LMF1: variants seen among roughly 807,000 people sequenced by gnomAD.
LMF1 encodes transmembrane protein 112.
A neutral mutation model predicts 60.6 loss-of-function variants in LMF1; 68 were observed. The observed-to-expected ratio is 1.12, with a 90% CI of 0.92 to 1.37. The LOEUF (loss-of-function observed/expected upper bound fraction) is 1.37, where lower values mean the gene tolerates loss of function less well. LMF1 is among the 40% of genes most tolerant of loss of function. LMF1 has a pLI of 0.00. For synonymous variants in LMF1, 418 were observed against 324.7 expected, an observed-to-expected ratio of 1.29 and a Z score of -3.09; for missense variants, 948 against 767.2, an observed-to-expected ratio of 1.24 and a Z score of -2.78.
At chr16:972,313 C>T (rs556482456), upstream of LMF1, among the ~76,000 whole-genome samples, 63 of 152,322 alleles carry the variant, frequency 4.1e-4, no homozygotes, top group Non-Finnish European at 7.2e-4. Context: ...GATGTTGCAA[C>T]GGGTACGAAC....
intron 1 of LMF1, among the ~76,000 whole-genome samples, chr16:964,312 AAAG>A (rs2072880116): frequency 6.6e-6 from 1 of 151,902 alleles, no homozygotes; most frequent in Non-Finnish European, 1.5e-5. Flanking sequence ...AAAAAAAAAA[AAAG>A]AATCAGAAAA....
chr16:862,819 T>C (rs1344495345), intron 10 of LMF1, among the ~76,000 whole-genome samples: 3 of 151,702 alleles, frequency 2.0e-5, no homozygotes, highest in African/African-American at 4.9e-5. Flanking sequence ...GTTTGTGCCA[T>C]TGCACTCCAG....
chr16:921,717 C>T (rs1010638774), intron 3 of LMF1, among the ~76,000 whole-genome samples: 3 of 152,146 alleles, frequency 2.0e-5, no homozygotes, highest in Non-Finnish European at 2.9e-5. Flanking sequence ...CCCTGATGTG[C>T]GCTGAAGCAC....
chr16:943,176 C>A (rs912689764), intron 2 of LMF1, among the ~76,000 whole-genome samples: 2 of 150,378 alleles, frequency 1.3e-5, no homozygotes, highest in Admixed American at 1.3e-4. Context: ...TCGAGACCAT[C>A]CTGGCTAACA....
chr16:924,693 G>A (rs2071545129), intron 3 of LMF1, among the ~76,000 whole-genome samples: 1 of 152,182 alleles, frequency 6.6e-6, no homozygotes, highest in Admixed American at 6.5e-5. Flanking sequence ...TAGCAGAGAA[G>A]AAGAGACAGA....
chr16:981,436 C>T (rs1407160418), upstream of LMF1: 3 of 286,436 alleles, frequency 1.0e-5, no homozygotes, highest in African/African-American at 2.5e-5. Flanking sequence ...AGCGTCAGGA[C>T]GGGGGGCGGA....
chr16:892,460 C>G (rs2151730704), intron 5 of LMF1, among the ~76,000 whole-genome samples: 1 of 152,320 alleles, frequency 6.6e-6, no homozygotes, highest in East Asian at 1.9e-4. Flanking sequence ...CAGACCACTC[C>G]CAGCCCCCAT....
chr16:971,169 G>GC (rs1028821408), upstream of LMF1, among the ~76,000 whole-genome samples: 3 of 152,162 alleles, frequency 2.0e-5, no homozygotes, highest in Non-Finnish European at 2.9e-5. Context: ...GGGAGCGGGT[G>GC]CCCGGAGCCT....
At chr16:928,207 C>A (rs1487622708) in intron 3 of LMF1, among the ~76,000 whole-genome samples, 1 of 152,220 alleles carries the variant, frequency 6.6e-6, no homozygotes, top group Non-Finnish European at 1.5e-5. Context: ...TGGGCCCCCC[C>A]AGCCTCCACG....
At chr16:955,092 CGCG>C (rs2072650792) in intron 1 of LMF1, among the ~76,000 whole-genome samples, 3 of 70,076 alleles carry the variant, frequency 4.3e-5, no homozygotes, top group African/African-American at 1.8e-4. Context: ...CCGCAGCAGA[CGCG>C]GTGTGTGCAC....
intron 10 of LMF1, chr16:855,837 C>A (rs770835268): frequency 4.4e-6 from 2 of 456,090 alleles, no homozygotes; most frequent in South Asian, 3.1e-5. Context: ...TGGTGACCTG[C>A]ACACAGCTGT....
At chr16:866,674 G>A (rs899764459) in intron 10 of LMF1, among the ~76,000 whole-genome samples, 5 of 152,202 alleles carry the variant, frequency 3.3e-5, no homozygotes, top group Admixed American at 2.0e-4. Context: ...GCTGGTGTGG[G>A]TGGGGCCATG....
At position 962,502 on chromosome 16, in the gene LMF1, C is replaced by T. The variant is rs1425582424; in HGVS notation, c.194-7836G>A. On this transcript the variant is annotated intron_variant, in intron 1 of 10. Coordinates refer to ENST00000262301, the MANE Select transcript of LMF1 (RefSeq NM_022773.4). This position sits in a 1 kb window ranked among gnomAD's most constrained non-coding sequence, Gnocchi z 4.5. Reference sequence around the variant, plus strand: ...GGCAGGCAGACCTTGGCCGGGTGATCAGAAAGCCGTGCGGACGTCAGGACC... The same window carrying T: ...GGCAGGCAGACCTTGGCCGGGTGATTAGAAAGCCGTGCGGACGTCAGGACC... Among the ~76,000 whole-genome samples, 1 of 152,174 alleles carries T rather than the reference C, an allele frequency of 6.6e-6. No individual in the cohort carries two copies. The highest frequency in any genetic ancestry group is 2.4e-5 in the African/African-American group (1 of 41,450).
At chr16:965,898 G>C (rs1419964257) in intron 1 of LMF1, among the ~76,000 whole-genome samples, 2 of 152,118 alleles carry the variant, frequency 1.3e-5, no homozygotes, top group Non-Finnish European at 2.9e-5. Context: ...GATGCCCCTA[G>C]AAGACAAGGG....
At chr16:889,034 C>T (rs2070397275) in intron 5 of LMF1, among the ~76,000 whole-genome samples, 1 of 152,210 alleles carries the variant, frequency 6.6e-6, no homozygotes, top group Non-Finnish European at 1.5e-5. Flanking sequence ...CCATGCATCC[C>T]CGGTGTCTCA....
chr16:913,250 G>A (rs937684744), intron 3 of LMF1, among the ~76,000 whole-genome samples: 1 of 152,236 alleles, frequency 6.6e-6, no homozygotes, highest in African/African-American at 2.4e-5. Flanking sequence ...TGGGCCTTCC[G>A]GGAGACTGAG....
At chr16:919,265 G>A (rs1336166466) in intron 3 of LMF1, among the ~76,000 whole-genome samples, 1 of 152,140 alleles carries the variant, frequency 6.6e-6, no homozygotes, top group Non-Finnish European at 1.5e-5. Flanking sequence ...CAGGGGCTAT[G>A]TGAGCTCACA....
intron 3 of LMF1, chr16:933,842 A>G (rs1369017116): frequency 1.4e-6 from 1 of 713,680 alleles, no homozygotes; most frequent in East Asian, 6.2e-5. Context: ...CCTCCACCAA[A>G]CAAAGCACAA....
intron 3 of LMF1, among the ~76,000 whole-genome samples, chr16:918,761 C>T (rs568540365): frequency 7.2e-5 from 11 of 152,214 alleles, no homozygotes; most frequent in African/African-American, 2.4e-4. Flanking sequence ...AACTTTGGTT[C>T]ACTTGGATGT....
Sources: gnomAD v4.1 joint callset for allele counts (sites outside exome capture counted in the v4.1 genomes callset) on GRCh38, gnomAD v4.1.1 for gene constraint, Gnocchi (gnomAD v3.1) non-coding constraint, MANE v1.5 for transcripts, NCBI Gene and HGNC (gene_info 2026-07-23, HGNC 2026-07-21) for gene names.